LPO: variants seen among roughly 807,000 people sequenced by gnomAD.
LPO encodes lactoperoxidase, also known as salivary peroxidase.
A neutral mutation model predicts 68.4 loss-of-function variants in LPO; 70 were observed. The observed-to-expected ratio is 1.02, with a 90% CI of 0.84 to 1.25. The LOEUF is 1.25. Ranked by LOEUF, LPO falls within the 50% of genes most tolerant of loss-of-function variation. The pLI is 0.00. For synonymous variants in LPO, 360 were observed against 357.6 expected (o/e 1.01, Z -0.08); for missense variants, 873 against 908.4 (o/e 0.96, Z 0.50).
intron 9 of LPO, among the ~76,000 whole-genome samples, chr17:58,263,034 A>G (rs1460165290): frequency 6.6e-6 from 1 of 152,078 alleles, no homozygotes; most frequent in African/African-American, 2.4e-5. Context: ...TTTAAAGTCT[A>G]TTTTCTTTCT....
chr17:58,248,210 T>G (rs1969887592), intron 4 of LPO, among the ~76,000 whole-genome samples: 1 of 152,050 alleles, frequency 6.6e-6, no homozygotes, highest in Non-Finnish European at 1.5e-5. Context: ...AGGGGTTTGG[T>G]CCTGACAGGA....
At chr17:58,262,217 C>T (rs1158405927) in intron 9 of LPO, among the ~76,000 whole-genome samples, 1 of 152,176 alleles carries the variant, frequency 6.6e-6, no homozygotes. Context: ...TTCTCTGAGT[C>T]TTCCTTTGTG....
chr17:58,242,608 G>A (rs1969778160), intron 1 of LPO, among the ~76,000 whole-genome samples: 1 of 152,166 alleles, frequency 6.6e-6, no homozygotes, highest in African/African-American at 2.4e-5. Context: ...AGGCTGTCAG[G>A]GCAGAATTGA....
At chr17:58,256,667 A>T (rs1451788490) in intron 9 of LPO, among the ~76,000 whole-genome samples, 1 of 151,946 alleles carries the variant, frequency 6.6e-6, no homozygotes, top group East Asian at 1.9e-4. Context: ...TACAAAAATT[A>T]GCTGGGTGTG....
intron 4 of LPO, 28 bp from the exon 5 acceptor site, chr17:58,249,032 A>G: frequency 6.4e-7 from 1 of 1,567,096 alleles, no homozygotes; most frequent in East Asian, 2.2e-5. Context: ...GAAAGAACTC[A>G]GTCCCTTTGG....
At chr17:58,263,717 G>A (rs910991999) in intron 9 of LPO, among the ~76,000 whole-genome samples, 7 of 152,088 alleles carry the variant, frequency 4.6e-5, no homozygotes, top group African/African-American at 1.7e-4. Context: ...TCCAGCCTGG[G>A]TGACAAAGTG....
At chr17:58,262,959 T>A (rs552861747) in intron 9 of LPO, among the ~76,000 whole-genome samples, 1 of 152,324 alleles carries the variant, frequency 6.6e-6, no homozygotes, top group East Asian at 1.9e-4. Context: ...ACTCCATTGA[T>A]ATGAATGCCA....
chr17:58,260,440 A>C (rs894529459), intron 9 of LPO, among the ~76,000 whole-genome samples: 1 of 152,198 alleles, frequency 6.6e-6, no homozygotes, highest in Non-Finnish European at 1.5e-5. Context: ...TTAAATGCGC[A>C]TGGTAAGAAA....
intron 8 of LPO, among the ~76,000 whole-genome samples, chr17:58,254,152 T>TATAGATATATAGATATATATATATATAG (rs1555605278): frequency 9.8e-5 from 13 of 133,320 alleles, no homozygotes; most frequent in African/African-American, 3.9e-4. Flanking sequence ...TATATAGATA[T>TATAGATATATAGATATATATATATATAG]ATAGATAGAT....
chr17:58,245,045 C>G (rs1282197461), intron 3 of LPO, among the ~76,000 whole-genome samples: 1 of 152,218 alleles, frequency 6.6e-6, no homozygotes, highest in African/African-American at 2.4e-5. Flanking sequence ...CTTGAATGAA[C>G]TTTCAAGCCG....
chr17:58,267,259 G>C, intron 11 of LPO, 90 bp from the exon 12 acceptor site: 1 of 967,102 alleles, frequency 1.0e-6, no homozygotes, highest in South Asian at 1.5e-5. Flanking sequence ...AGACTTTCTA[G>C]GGCTGATAGA....
chr17:58,240,839 C>T (rs569195417), intron 1 of LPO, among the ~76,000 whole-genome samples: 106 of 152,118 alleles, frequency 7.0e-4, no homozygotes, highest in Non-Finnish European at 1.2e-3. Context: ...TATTAGGAAA[C>T]GCATTAGTCA....
intron 4 of LPO, among the ~76,000 whole-genome samples, chr17:58,248,535 C>T (rs148995132): frequency 1.1e-4 from 17 of 152,216 alleles, no homozygotes; most frequent in African/African-American, 3.9e-4. Context: ...CACTCTGATG[C>T]CTAAAGCCCC....
At chr17:58,263,102 C>T (rs1970202812) in intron 9 of LPO, among the ~76,000 whole-genome samples, 1 of 151,854 alleles carries the variant, frequency 6.6e-6, no homozygotes, top group Non-Finnish European at 1.5e-5. Flanking sequence ...TCTGTCACTC[C>T]CACTCTGTTA....
Position 58,262,794 on chromosome 17 carries a change from A to G in LPO, c.1267-1928A>G, listed in dbSNP as rs543027822. 8.5e-5 allele frequency among the ~76,000 whole-genome samples: 13 copies of G among 152,364 alleles called. No individual in the cohort carries two copies. In the South Asian group the frequency reaches 2.7e-3, roughly 32 times the overall value. ...TAGTTTTCAGAAATTTAATTATGAT[A>G]TGCCTTGGAGTGAATTTCGCTGTTT... On this transcript the variant is annotated intron_variant, in intron 9 of 12. Coordinates refer to ENST00000262290, the MANE Select transcript of LPO (RefSeq NM_006151.3).
At chr17:58,266,654 G>T (rs1598035040) in intron 11 of LPO, among the ~76,000 whole-genome samples, 1 of 151,698 alleles carries the variant, frequency 6.6e-6, no homozygotes, top group African/African-American at 2.4e-5. Context: ...ACATAGTCTT[G>T]CTATGTTGCC....
chr17:58,261,057 G>A (rs182376588), intron 9 of LPO, among the ~76,000 whole-genome samples: 7 of 152,232 alleles, frequency 4.6e-5, no homozygotes, highest in Admixed American at 4.6e-4. Flanking sequence ...GGACTATCTT[G>A]TTGAATATTC....
At chr17:58,256,118 CT>C (rs1015286859) in intron 9 of LPO, among the ~76,000 whole-genome samples, 2 of 152,118 alleles carry the variant, frequency 1.3e-5, no homozygotes, top group Admixed American at 6.5e-5. Flanking sequence ...CCGAGATGGG[CT>C]TTTTTCATTA....
intron 12 of LPO, 73 bp from the exon 13 acceptor site, chr17:58,267,714 T>C (rs1022704526): frequency 2.0e-6 from 3 of 1,505,664 alleles, no homozygotes; most frequent in Non-Finnish European, 1.8e-6. Context: ...CTGTGACCCT[T>C]TCCTTCCCCT....
Sources: allele counts gnomAD v4.1 joint callset (sites outside exome capture counted in the v4.1 genomes callset), GRCh38; gene constraint gnomAD v4.1.1; transcripts MANE v1.5; gene names NCBI Gene and HGNC (gene_info 2026-07-23, HGNC 2026-07-21).